The following LDHC variants were observed in gnomAD, a reference collection of about 807,000 sequenced individuals.
The protein encoded by LDHC is lactate dehydrogenase C.
LDHC carries 20 observed loss-of-function variants against 30.2 expected under a neutral mutation model. That is an observed-to-expected ratio of 0.66 (90% CI 0.47 to 0.96). LDHC has a LOEUF of 0.96. Ranked by LOEUF, LDHC falls within the 40% of genes least tolerant of loss-of-function variation. The pLI, the probability that LDHC is intolerant of heterozygous loss-of-function variation, is 0.00. For synonymous variants in LDHC, 139 were observed against 132.7 expected (o/e 1.05, Z -0.32); for missense variants, 362 against 394.9 (o/e 0.92, Z 0.71).
chr11:18,424,609 G>A (rs1848129157), intron 3 of LDHC, among the ~76,000 whole-genome samples: 1 of 152,192 alleles, frequency 6.6e-6, no homozygotes, highest in Non-Finnish European at 1.5e-5. Flanking sequence ...TTGCACAGCA[G>A]TGAAAATGAA....
Position 18,438,650 on chromosome 11 carries a change from T to C in LDHC, c.710+5T>C. ...CCATAAACAAGTTATTCAAAGGTAA[T>C]AGTACCTATTCAGTTTCTTAATGCC... On this transcript the variant is annotated splice_donor_5th_base_variant and intron_variant, in intron 6 of 7. Transcript: ENST00000541669. The C allele has an allele frequency of 6.9e-7, 1 of 1,440,820 alleles. No individual in the cohort carries two copies. The allele number at this position is 1,440,820 out of a possible 1,614,324, so 89.3% of individuals were successfully genotyped here. A position where few individuals can be genotyped will look rare whatever the true frequency, so the allele number is the denominator to read the frequency against.
chr11:18,442,071 G>GT (rs113519757), intron 6 of LDHC, among the ~76,000 whole-genome samples: 22 of 150,798 alleles, frequency 1.5e-4, no homozygotes, highest in Non-Finnish European at 2.7e-4. Flanking sequence ...TTTGTTTTTT[G>GT]TTTTTTTTTA....
intron 3 of LDHC, among the ~76,000 whole-genome samples, chr11:18,425,247 G>T (rs999188291): frequency 6.6e-6 from 1 of 152,018 alleles, no homozygotes; most frequent in Admixed American, 6.6e-5. Context: ...TGTGATCATA[G>T]CTCACCACAA....
chr11:18,441,204 G>A (rs892732620), intron 6 of LDHC, among the ~76,000 whole-genome samples: 3 of 151,874 alleles, frequency 2.0e-5, no homozygotes, highest in Non-Finnish European at 2.9e-5. Context: ...CAGACTGTCC[G>A]ACTCACAGGA....
At chr11:18,416,768 C>T (rs1867030000) in intron 3 of LDHC, among the ~76,000 whole-genome samples, 1 of 150,870 alleles carries the variant, frequency 6.6e-6, no homozygotes, top group African/African-American at 2.4e-5. Context: ...TCCTTTCCTC[C>T]TCTTCCCCTT....
rs1223405404 is a variant in LDHC, at chr11:18,437,727, G to A, written c.593-801G>A. On this transcript the variant is annotated intron_variant, in intron 5 of 7. Coordinates refer to ENST00000541669, the MANE Select transcript of LDHC (RefSeq NM_017448.5). ...AGATCGCGCCACTGCACTCTAGCCT[G>A]GGCGACAGAGCAAGACTCCCTCTCA... Among the ~76,000 whole-genome samples, 39 of 142,882 alleles carry A rather than the reference G, an allele frequency of 2.7e-4. No homozygotes were observed. The Admixed American group carries it at 2.8e-3, about 10-fold the overall frequency. 93.7% of individuals were successfully genotyped at this position (142,882 alleles called of 152,430 possible). A position where few individuals can be genotyped will look rare whatever the true frequency, so the allele number is the denominator to read the frequency against.
intron 4 of LDHC, among the ~76,000 whole-genome samples, chr11:18,432,162 G>A (rs915596656): frequency 1.3e-5 from 2 of 152,110 alleles, no homozygotes; most frequent in Admixed American, 6.6e-5. Flanking sequence ...GATAGGTTGT[G>A]TCATTACTGT....
intron 6 of LDHC, among the ~76,000 whole-genome samples, chr11:18,441,883 G>A (rs1848472447): frequency 6.6e-6 from 1 of 152,100 alleles, no homozygotes; most frequent in Non-Finnish European, 1.5e-5. Context: ...TCCAGCATGG[G>A]CGACAGAGGG....
chr11:18,420,641 TA>T (rs11321502), intron 3 of LDHC, among the ~76,000 whole-genome samples: 46,473 of 71,946 alleles, frequency 0.65, 14,037 homozygotes, highest in East Asian at 0.79. Context: ...TCTTGTCTCT[TA>T]AAAAAAAAAA....
chr11:18,432,693 A>C (rs1037641257), intron 4 of LDHC, among the ~76,000 whole-genome samples: 14 of 152,326 alleles, frequency 9.2e-5, no homozygotes, highest in East Asian at 1.9e-4. Context: ...CTGTTGGACA[A>C]GGCCTTTTAC....
chr11:18,418,351 C>T (rs1867059678), intron 3 of LDHC, among the ~76,000 whole-genome samples: 2 of 148,820 alleles, frequency 1.3e-5, no homozygotes, highest in Admixed American at 1.4e-4. Flanking sequence ...TTTAGTATGT[C>T]TGGGGTATCA....
chr11:18,438,104 T>C (rs2133839020), intron 5 of LDHC, among the ~76,000 whole-genome samples: 1 of 149,820 alleles, frequency 6.7e-6, no homozygotes, highest in East Asian at 2.0e-4. Flanking sequence ...AGAAAAGGGG[T>C]TTAATTTAGC....
chr11:18,438,527 G>A lies in LDHC; in HGVS notation c.593-1G>A, dbSNP rs143469644. ...TTTATTTTGAGATCTGTATTTTTTA[G>A]TGCCCTTATGGAGTGGGGTGAATGT... On this transcript the variant is annotated splice_acceptor_variant, in intron 5 of 7. Transcript: ENST00000541669. LOFTEE classifies it high-confidence loss of function. 4 of 1,578,808 alleles carry A rather than the reference G, an allele frequency of 2.5e-6. No homozygotes were observed. The South Asian group carries it at 4.4e-5, about 18-fold the overall frequency.
rs71047596 is a variant in LDHC, at chr11:18,439,811, T to TAAAAAAAAA, written c.710+1183_710+1191dup. On this transcript the variant is annotated intron_variant, in intron 6 of 7. Transcript: ENST00000541669. Reference sequence around the variant, plus strand: ...CCAACATGGTGAAAACCGTCTCTACTAAAAAAAAAAAAAAAAAAAAAAAAA... The same window carrying TAAAAAAAAA: ...CCAACATGGTGAAAACCGTCTCTACTAAAAAAAAAAAAAAAAAAAAAAAAAAAAAAAAAA... Among the ~76,000 whole-genome samples the TAAAAAAAAA allele has an allele frequency of 2.0e-4, 13 of 64,202 alleles. 1 individual carries two copies. Among genetic ancestry groups the TAAAAAAAAA allele is most frequent in the East Asian group, 1.3e-3 (2 of 1,582 alleles). 42.1% of individuals were successfully genotyped at this position (64,202 alleles called of 152,430 possible).
In LDHC at chr11:18,438,545, G is replaced by A; in HGVS notation, c.610G>A (p.Val204Met). ...TTTTTTAGTGCCCTTATGGAGTGGG[G>A]TGAATGTTGCTGGTGTTGCTCTGAA... is the stretch of plus-strand genomic sequence containing the variant. ...GDSSVPLWSG[V>M]NVAGVALKTL... The change falls in exon 6 of 8, where the codon GTG becomes ATG. Residue 204 changes from valine (V) to methionine (M), a missense_variant. Val to Met is a conservative substitution (Grantham distance 21). Coordinates refer to ENST00000541669, the MANE Select transcript of LDHC (RefSeq NM_017448.5). 2.5e-6 allele frequency: 4 copies of A among 1,609,656 alleles called. No individual in the cohort carries two copies. Among genetic ancestry groups the A allele is most frequent in the Non-Finnish European group, 3.4e-6 (4 of 1,176,004 alleles).
chr11:18,420,138 GATT>G (rs1867092715), intron 3 of LDHC, among the ~76,000 whole-genome samples: 1 of 110,334 alleles, frequency 9.1e-6, no homozygotes, highest in Non-Finnish European at 1.9e-5. Flanking sequence ...TACAATGATA[GATT>G]AGACACATTT....
intron 6 of LDHC, among the ~76,000 whole-genome samples, chr11:18,439,667 A>C (rs73438690): frequency 0.15 from 23,117 of 151,484 alleles, 1,988 homozygotes; most frequent in African/African-American, 0.23. Flanking sequence ...TGTATACTTA[A>C]AACAACCCTA....
chr11:18,445,192 A>AT lies in LDHC; in HGVS notation c.711-1004dup, dbSNP rs112115655. Among the ~76,000 whole-genome samples, 222 of 145,610 alleles carry AT rather than the reference A, an allele frequency of 1.5e-3. 1 individual carries two copies. The highest frequency in any genetic ancestry group is 2.2e-3 in the East Asian group (11 of 5,022). On this transcript the variant is annotated intron_variant, in intron 6 of 7. Transcript: ENST00000541669. The stretch of plus-strand genomic sequence containing the variant: ...AATTTACATTGGCAAGCTAGTAACA[A>AT]TTTTTTTTTTTTTTGAGACGGAGTC...
chr11:18,429,907 C>T lies in LDHC; in HGVS notation c.415C>T (p.Pro139Ser), dbSNP rs1848234388. 1 of 1,587,588 alleles carries T rather than the reference C, an allele frequency of 6.3e-7. No individual in the cohort carries two copies. Among genetic ancestry groups the T allele is most frequent in the African/African-American group, 1.3e-5 (1 of 74,430 alleles). Residue 139 changes from proline (P) to serine (S), a missense_variant, in exon 4 of 8, where the codon CCA becomes TCA. By Grantham distance (74) the Pro-to-Ser change is moderately conservative. Transcript: ENST00000541669. ...TTGTAAAATTCTTGTTGTTTCAAAT[C>T]CAGGTGAGTCTTCTCTCTTCCATTC... ...PDCKILVVSN[P>S]VDILTYIVWK...
Sources: gnomAD v4.1 joint callset for allele counts (sites outside exome capture counted in the v4.1 genomes callset) on GRCh38, gnomAD v4.1.1 for gene constraint, MANE v1.5 for transcripts, NCBI Gene and HGNC (gene_info 2026-07-23, HGNC 2026-07-21) for gene names.